WWP1: variants seen among roughly 807,000 people sequenced by gnomAD.
The protein encoded by WWP1 is WW domain containing E3 ubiquitin protein ligase 1.
Under a neutral mutation model 130.6 loss-of-function variants are expected in WWP1, and 49 were observed. That is an observed-to-expected ratio of 0.38 (90% CI 0.30 to 0.48). The LOEUF (loss-of-function observed/expected upper bound fraction) is 0.48, where lower values mean the gene tolerates loss of function less well. Ranked by LOEUF, WWP1 falls within the 20% of genes least tolerant of loss-of-function variation. WWP1 has a pLI of 0.99. For missense variants in WWP1, 809 were observed against 1,100.6 expected, an observed-to-expected ratio of 0.74 and a Z score of 3.75; for synonymous variants, 332 against 367.8, an observed-to-expected ratio of 0.90 and a Z score of 1.11.
At chr8:86,372,236 A>T (rs1336953009) in intron 2 of WWP1, among the ~76,000 whole-genome samples, 5 of 151,382 alleles carry the variant, frequency 3.3e-5, no homozygotes, top group Non-Finnish European at 7.4e-5. Context: ...GTTACCCAGG[A>T]TGGTCTCGAT....
At chr8:86,448,548 G>T in intron 20 of WWP1, 35 bp downstream of exon 20, 1 of 1,577,912 alleles carries the variant, frequency 6.3e-7, no homozygotes, top group South Asian at 1.2e-5. Flanking sequence ...TTAATTTCTA[G>T]AACACTTCAG....
In WWP1 at chr8:86,435,620, T is replaced by G. The variant is rs1250120307; in HGVS notation, c.1678-13T>G. ...TAACTCAGATGATATTATGATATTATTTTTGTTTTTAGTCTAATGCACTAC... is the reference window on the plus strand; with the variant it reads ...TAACTCAGATGATATTATGATATTAGTTTTGTTTTTAGTCTAATGCACTAC... On this transcript the variant is annotated splice_polypyrimidine_tract_variant and intron_variant, in intron 15 of 24. Transcript: ENST00000517970. The G allele has an allele frequency of 6.2e-7, 1 of 1,612,936 alleles. No homozygotes were observed. The highest frequency in any genetic ancestry group is 8.5e-7 in the Non-Finnish European group (1 of 1,179,328).
At position 86,467,332 on chromosome 8, in the gene WWP1, G is replaced by A. The variant is rs949631176; in HGVS notation, c.*439G>A. 1 of 153,252 alleles carries A rather than the reference G, an allele frequency of 6.5e-6. No individual in the cohort carries two copies. Among genetic ancestry groups the A allele is most frequent in the Admixed American group, 6.6e-5 (1 of 15,220 alleles). 9.5% of individuals were successfully genotyped at this position (153,252 alleles called of 1,614,324 possible). ...CCCTTATGTAACATCTCCTGAGGGT[G>A]TTTAGTTGCATGGCTGTTCAGAAAG... On this transcript the variant is annotated 3_prime_UTR_variant, in exon 25 of 25. Transcript: ENST00000517970.
intron 1 of WWP1, among the ~76,000 whole-genome samples, chr8:86,364,911 T>A (rs1307635703): frequency 3.3e-5 from 5 of 149,538 alleles, no homozygotes; most frequent in African/African-American, 1.2e-4. Context: ...AATTAAAAAT[T>A]AAAAATACAA....
At chr8:86,429,260 C>T (rs1329948470) in intron 11 of WWP1, among the ~76,000 whole-genome samples, 2 of 152,176 alleles carry the variant, frequency 1.3e-5, no homozygotes, top group African/African-American at 4.8e-5. Flanking sequence ...GGCCTTCTGC[C>T]TATACCTCAT....
intron 5 of WWP1, among the ~76,000 whole-genome samples, chr8:86,384,390 G>A (rs1222990791): frequency 6.6e-6 from 1 of 152,122 alleles, no homozygotes; most frequent in Non-Finnish European, 1.5e-5. Flanking sequence ...ATAGACAAAT[G>A]AGTAAAATAA....
intron 1 of WWP1, among the ~76,000 whole-genome samples, chr8:86,346,744 A>G (rs1247399433): frequency 6.6e-6 from 1 of 152,228 alleles, no homozygotes; most frequent in Non-Finnish European, 1.5e-5. Flanking sequence ...TGATACAATT[A>G]TAATGAGCAT....
intron 8 of WWP1, among the ~76,000 whole-genome samples, chr8:86,407,622 A>G (rs1032967014): frequency 2.0e-5 from 3 of 152,234 alleles, no homozygotes; most frequent in African/African-American, 4.8e-5. Context: ...TAATCTCTCC[A>G]GTCAAATATT....
chr8:86,399,012 T>C (rs991606246), intron 7 of WWP1, among the ~76,000 whole-genome samples: 1 of 152,202 alleles, frequency 6.6e-6, no homozygotes, highest in African/African-American at 2.4e-5. Context: ...TCTGTGTCTG[T>C]GGATTGTCTA....
intron 8 of WWP1, among the ~76,000 whole-genome samples, chr8:86,405,347 T>G (rs1467939326): frequency 9.5e-6 from 1 of 105,662 alleles, no homozygotes; most frequent in Non-Finnish European, 2.1e-5. Flanking sequence ...TTTTTTTTTT[T>G]GGTAAACTCA....
intron 9 of WWP1, among the ~76,000 whole-genome samples, chr8:86,412,777 G>A (rs541332383): frequency 6.6e-6 from 1 of 151,506 alleles, no homozygotes; most frequent in South Asian, 2.1e-4. Context: ...CTTAATTACG[G>A]TTTCAGCCTT....
At chr8:86,430,663 T>A in intron 11 of WWP1, 34 bp from the exon 12 acceptor site, 1 of 1,557,810 alleles carries the variant, frequency 6.4e-7, no homozygotes, top group Middle Eastern at 1.7e-4. Context: ...AACACTGTTA[T>A]TTTATTTCTC....
chr8:86,384,599 G>C (rs1825175088), intron 5 of WWP1, among the ~76,000 whole-genome samples: 1 of 152,152 alleles, frequency 6.6e-6, no homozygotes, highest in Admixed American at 6.5e-5. Flanking sequence ...ATTCTTGGTT[G>C]CCTTTGATTC....
chr8:86,439,716 G>T (rs1221816380), intron 17 of WWP1, among the ~76,000 whole-genome samples: 2 of 152,134 alleles, frequency 1.3e-5, no homozygotes, highest in African/African-American at 2.4e-5. Flanking sequence ...GAAGCAATAT[G>T]GGTGGAAAAT....
At chr8:86,391,808 G>A (rs571196581) in intron 5 of WWP1, among the ~76,000 whole-genome samples, 25 of 152,100 alleles carry the variant, frequency 1.6e-4, no homozygotes, top group Middle Eastern at 3.2e-3. Flanking sequence ...ACGAAGTCAG[G>A]ATTCTGTCCT....
intron 1 of WWP1, among the ~76,000 whole-genome samples, chr8:86,351,443 A>G (rs1480956664): frequency 1.2e-4 from 18 of 151,906 alleles, no homozygotes; most frequent in African/African-American, 4.4e-4. Flanking sequence ...GGCTCAAGCA[A>G]TCCTCCCACC....
chr8:86,346,874 G>T (rs1018602912), intron 1 of WWP1, among the ~76,000 whole-genome samples: 27 of 152,088 alleles, frequency 1.8e-4, no homozygotes, highest in African/African-American at 6.5e-4. Flanking sequence ...CTGGCATTAA[G>T]AATTGTACTA....
At chr8:86,428,099 AAAT>A (rs1220236309) in intron 11 of WWP1, among the ~76,000 whole-genome samples, 2 of 152,124 alleles carry the variant, frequency 1.3e-5, no homozygotes, top group Non-Finnish European at 2.9e-5. Context: ...TTTCTTAACA[AAAT>A]AATATTTTTA....
chr8:86,414,897 A>G (rs999068421), intron 9 of WWP1, among the ~76,000 whole-genome samples: 2 of 26,168 alleles, frequency 7.6e-5, no homozygotes, highest in Non-Finnish European at 1.6e-4. Flanking sequence ...CCATCCCCCC[A>G]CCCCCGCCCC....
Sources: gnomAD v4.1 joint callset for allele counts (sites outside exome capture counted in the v4.1 genomes callset) on GRCh38, gnomAD v4.1.1 for gene constraint, MANE v1.5 for transcripts, NCBI Gene and HGNC (gene_info 2026-07-23, HGNC 2026-07-21) for gene names.